Variants in KIRREL3 observed in about 807,000 individuals in gnomAD.
The protein encoded by KIRREL3 is kirre like nephrin family adhesion molecule 3.
Under a neutral mutation model 89.7 loss-of-function variants are expected in KIRREL3, and 36 were observed. The observed-to-expected ratio is 0.40, with a 90% confidence interval of 0.31 to 0.53. KIRREL3 has a LOEUF of 0.53. Ranked by LOEUF, KIRREL3 falls within the 20% of genes least tolerant of loss-of-function variation. The pLI is 0.49. For synonymous variants in KIRREL3, 445 were observed against 441.4 expected (o/e 1.01, Z -0.10); for missense variants, 864 against 1,056.6 (o/e 0.82, Z 2.53).
In KIRREL3 at chr11:126,636,764, G is replaced by A. The variant is rs1565610056; in HGVS notation, c.56-73852C>T. 6.6e-6 allele frequency among the ~76,000 whole-genome samples: 1 copy of A among 152,204 alleles called. No homozygotes were observed. The highest frequency in any genetic ancestry group is 1.5e-5 in the Non-Finnish European group (1 of 68,034). On this transcript the variant is annotated intron_variant, in intron 1 of 16. Transcript: ENST00000525144. The surrounding 1 kb of genome is among the most constrained non-coding windows in gnomAD (Gnocchi z 4.4). ...GTACCACCTCAGAACAGCAGGGGATGCAGCAATAATGCCAACTAGGAGTCC... is the reference window on the plus strand; with the variant it reads ...GTACCACCTCAGAACAGCAGGGGATACAGCAATAATGCCAACTAGGAGTCC...
rs2134277696 is a variant in KIRREL3, at chr11:126,764,426, G to A, written c.56-201514C>T. Among the ~76,000 whole-genome samples the A allele has an allele frequency of 6.6e-6, 1 of 152,282 alleles. No individual in the cohort carries two copies. The highest frequency in any genetic ancestry group is 2.1e-4 in the South Asian group (1 of 4,826). On this transcript the variant is annotated intron_variant, in intron 1 of 16. Coordinates refer to ENST00000525144, the MANE Select transcript of KIRREL3 (RefSeq NM_032531.4). The surrounding 1 kb of genome is among the most constrained non-coding windows in gnomAD (Gnocchi z 4.2). The stretch of plus-strand genomic sequence containing the variant: ...AGAGATAGGTGGCAGTGTGGATTCA[G>A]GGCTGTGTGGTTCAAGATCAACTTC...
chr11:126,756,442 C>CTTCA (rs1317750089), intron 1 of KIRREL3, among the ~76,000 whole-genome samples: 3 of 152,264 alleles, frequency 2.0e-5, no homozygotes, highest in Admixed American at 6.5e-5. Context: ...TCCAGGAGGG[C>CTTCA]TTCAGTACAA....
At position 126,682,751 on chromosome 11, in the gene KIRREL3, A is replaced by C. The variant is rs1380267759; in HGVS notation, c.56-119839T>G. ...AGGGCTGGTGCTCCTAGGAGAATCT[A>C]ACGCCTCTGCTGATCTGACAGGAGG... On this transcript the variant is annotated intron_variant, in intron 1 of 16. Coordinates refer to ENST00000525144, the MANE Select transcript of KIRREL3 (RefSeq NM_032531.4). The surrounding 1 kb of genome is among the most constrained non-coding windows in gnomAD (Gnocchi z 4.8). Among the ~76,000 whole-genome samples the C allele has an allele frequency of 6.6e-6, 1 of 152,106 alleles. No homozygotes were observed. Among genetic ancestry groups the C allele is most frequent in the Non-Finnish European group, 1.5e-5 (1 of 68,022 alleles).
At position 126,993,716 on chromosome 11, in the gene KIRREL3, C is replaced by T. The variant is rs1039694740; in HGVS notation, c.55+6739G>A. ...GCTGGCTGAGTGGTCAAGGGCTGAG[C>T]CTTAGTGTCATAAAATGGTATTTGA... is the stretch of plus-strand genomic sequence containing the variant. On this transcript the variant is annotated intron_variant, in intron 1 of 16. Transcript: ENST00000525144. This position sits in a 1 kb window ranked among gnomAD's most constrained non-coding sequence, Gnocchi z 6.1. 3.3e-5 allele frequency among the ~76,000 whole-genome samples: 5 copies of T among 152,174 alleles called. No homozygotes were observed. Among genetic ancestry groups the T allele is most frequent in the Non-Finnish European group, 7.3e-5 (5 of 68,036 alleles).
intron 2 of KIRREL3, among the ~76,000 whole-genome samples, chr11:126,538,235 T>A (rs889335166): frequency 5.3e-5 from 8 of 152,246 alleles, no homozygotes; most frequent in Non-Finnish European, 1.0e-4. Flanking sequence ...AGGGCTCAAA[T>A]GTCACCATCT....
chr11:126,978,074 C>A lies in KIRREL3; in HGVS notation c.55+22381G>T, dbSNP rs373530992. Among the ~76,000 whole-genome samples the A allele has an allele frequency of 7.9e-5, 12 of 152,312 alleles. No individual in the cohort carries two copies. The highest frequency in any genetic ancestry group is 2.6e-4 in the African/African-American group (11 of 41,558). ...CAGCACGGCAGCCCACCAAAAGTGC[C>A]TCCTTCCAAGCCTGTGGCCACAAGC... On this transcript the variant is annotated intron_variant, in intron 1 of 16. Transcript: ENST00000525144. The surrounding 1 kb of genome is among the most constrained non-coding windows in gnomAD (Gnocchi z 4.2).
At chr11:126,880,877 C>T (rs776747874) in intron 1 of KIRREL3, among the ~76,000 whole-genome samples, 4 of 152,134 alleles carry the variant, frequency 2.6e-5, no homozygotes, top group Non-Finnish European at 5.9e-5. Flanking sequence ...ACACATTCTA[C>T]CTAGGTAAAT....
rs1177750766 is a variant in KIRREL3, at chr11:126,754,320, G to A, written c.56-191408C>T. ...AGTGAGATTAAAAGAAAACTTGATG[G>A]AAAATAAAGATGTTCACTGCTGAAA... On this transcript the variant is annotated intron_variant, in intron 1 of 16. Coordinates refer to ENST00000525144, the MANE Select transcript of KIRREL3 (RefSeq NM_032531.4). The surrounding 1 kb of genome is among the most constrained non-coding windows in gnomAD (Gnocchi z 5.1). 1.3e-5 allele frequency among the ~76,000 whole-genome samples: 2 copies of A among 152,152 alleles called. No homozygotes were observed. The highest frequency in any genetic ancestry group is 2.9e-5 in the Non-Finnish European group (2 of 68,028).
rs1958429498 is a variant in KIRREL3, at chr11:126,516,988, G to T, written c.433+4327C>A. Among the ~76,000 whole-genome samples, 1 of 152,074 alleles carries T rather than the reference G, an allele frequency of 6.6e-6. No homozygotes were observed. The highest frequency in any genetic ancestry group is 2.4e-5 in the African/African-American group (1 of 41,402). On this transcript the variant is annotated intron_variant, in intron 4 of 16. Transcript: ENST00000525144. This position sits in a 1 kb window ranked among gnomAD's most constrained non-coding sequence, Gnocchi z 4.9. ...GCTACTCAGGAGGCTGGAGCAGGAG[G>T]ACCCAGAAGGCGGAGGTTGCGGTGA... is the stretch of plus-strand genomic sequence containing the variant.
chr11:126,765,297 T>A (rs559541038), intron 1 of KIRREL3, among the ~76,000 whole-genome samples: 4 of 151,986 alleles, frequency 2.6e-5, no homozygotes, highest in East Asian at 3.9e-4. Flanking sequence ...ATGAATCTTG[T>A]CAAAATTGTC....
In KIRREL3 at chr11:126,463,357, G is replaced by A. The variant is rs1436135207; in HGVS notation, c.592-50C>T. 1 of 1,576,234 alleles carries A rather than the reference G, an allele frequency of 6.3e-7. No homozygotes were observed. The highest frequency in any genetic ancestry group is 8.7e-7 in the Non-Finnish European group (1 of 1,155,480). ...GAAAGCTCCATGTCGCTTGGCTGGG[G>A]TGGCCAGCCTGGGTTGGGGGTAAAC... is the stretch of plus-strand genomic sequence containing the variant. On this transcript the variant is annotated intron_variant, in intron 5 of 16. Transcript: ENST00000525144. The surrounding 1 kb of genome is among the most constrained non-coding windows in gnomAD (Gnocchi z 5.9).
chr11:126,714,881 C>T (rs1947898552), intron 1 of KIRREL3, among the ~76,000 whole-genome samples: 1 of 152,156 alleles, frequency 6.6e-6, no homozygotes, highest in African/African-American at 2.4e-5. Flanking sequence ...TGTACCAAAT[C>T]CCACCATAGA....
rs149035106 is a variant in KIRREL3 at position 126,436,024 on chromosome 11, C to T, written c.1553-721G>A. Among the ~76,000 whole-genome samples the T allele has an allele frequency of 6.3e-3, 964 of 152,326 alleles. 14 individuals carry two copies. The highest frequency in any genetic ancestry group is 0.02 in the African/African-American group (816 of 41,582). On this transcript the variant is annotated intron_variant, in intron 12 of 16. Transcript: ENST00000525144. ...GGTGGGGCTTCTGGAGCCACCCCTC[C>T]GTGCCCCTCCAAGGCTCCCCATCCT...
intron 7 of KIRREL3, 140 bp downstream of exon 7, chr11:126,456,209 A>C: frequency 1.6e-6 from 1 of 616,950 alleles, no homozygotes; most frequent in Admixed American, 2.6e-5. Flanking sequence ...TTTAAGAGGA[A>C]GGGAAGAAGG....
At chr11:126,437,899 A>ATTGTG (rs1955419453) in intron 11 of KIRREL3, among the ~76,000 whole-genome samples, 1 of 152,140 alleles carries the variant, frequency 6.6e-6, no homozygotes, top group South Asian at 2.1e-4. Flanking sequence ...CACACACACC[A>ATTGTG]TGTGCTCACA....
In KIRREL3 at chr11:126,994,825, G is replaced by A. The variant is rs371744039; in HGVS notation, c.55+5630C>T. ...TTTCTGAGAGGACTGAAGCCCTTCC[G>A]TGCTTCATAATAAAGCTTTGGCAGA... On this transcript the variant is annotated intron_variant, in intron 1 of 16. Coordinates refer to ENST00000525144, the MANE Select transcript of KIRREL3 (RefSeq NM_032531.4). This position sits in a 1 kb window ranked among gnomAD's most constrained non-coding sequence, Gnocchi z 5.2. 3.9e-5 allele frequency among the ~76,000 whole-genome samples: 6 copies of A among 152,088 alleles called. No individual in the cohort carries two copies. The highest frequency in any genetic ancestry group is 1.4e-4 in the African/African-American group (6 of 41,414).
chr11:126,790,364 C>A (rs1360142080), intron 1 of KIRREL3, among the ~76,000 whole-genome samples: 1 of 152,190 alleles, frequency 6.6e-6, no homozygotes, highest in Non-Finnish European at 1.5e-5. Context: ...AGCATAGCCT[C>A]CCAGTCTTCA....
intron 4 of KIRREL3, among the ~76,000 whole-genome samples, chr11:126,499,548 C>A (rs1041794927): frequency 6.6e-6 from 1 of 152,220 alleles, no homozygotes; most frequent in African/African-American, 2.4e-5. Context: ...GGCTCAAAGC[C>A]CTTTCCACTG....
At chr11:126,438,452 G>T (rs537629561) in intron 11 of KIRREL3, among the ~76,000 whole-genome samples, 1 of 152,316 alleles carries the variant, frequency 6.6e-6, no homozygotes, top group Admixed American at 6.5e-5. Flanking sequence ...GCTCTCCCAG[G>T]CATTGCAGGA....
Sources: allele counts gnomAD v4.1 joint callset (sites outside exome capture counted in the v4.1 genomes callset), GRCh38; gene constraint gnomAD v4.1.1; non-coding constraint Gnocchi (gnomAD v3.1); transcripts MANE v1.5; gene names NCBI Gene and HGNC (gene_info 2026-07-23, HGNC 2026-07-21).